ITPR2: variants seen among roughly 807,000 people sequenced by gnomAD.
ITPR2 encodes inositol 1,4,5-trisphosphate receptor type 2.
ITPR2 carries 207 observed loss-of-function variants against 317.1 expected under a neutral mutation model. The ratio of observed to expected loss-of-function variants is 0.65; its 90% confidence interval spans 0.58 to 0.73. The LOEUF is 0.73. ITPR2 is among the 30% of genes least tolerant of loss of function. ITPR2 has a pLI of 0.00. For missense variants in ITPR2, 2,613 were observed against 3,284.0 expected (o/e 0.80, Z 4.99); for synonymous variants, 1,156 against 1,149.1 (o/e 1.01, Z -0.12).
chr12:26,826,431 T>C (rs897741636), intron 1 of ITPR2, among the ~76,000 whole-genome samples: 37 of 152,256 alleles, frequency 2.4e-4, no homozygotes, highest in African/African-American at 8.9e-4. Context: ...TTCTAAGGAA[T>C]TAAGTCAGAA....
intron 45 of ITPR2, among the ~76,000 whole-genome samples, chr12:26,450,543 A>T (rs1591795965): frequency 6.6e-6 from 1 of 152,204 alleles, no homozygotes; most frequent in East Asian, 1.9e-4. Context: ...TGTGAGAAAG[A>T]AGAAAAGGCT....
intron 37 of ITPR2, among the ~76,000 whole-genome samples, chr12:26,513,760 ACACAC>A (rs1943418227): frequency 1.3e-5 from 2 of 151,716 alleles, no homozygotes; most frequent in Non-Finnish European, 2.9e-5. Flanking sequence ...ACACACACAC[ACACAC>A]ACACACACAC....
chr12:26,481,373 T>C (rs1329125432), intron 42 of ITPR2, 132 bp from the exon 43 acceptor site: 7 of 584,152 alleles, frequency 1.2e-5, no homozygotes, highest in Non-Finnish European at 2.1e-5. Flanking sequence ...CCTTTGAGCA[T>C]TTGACTTATT....
chr12:26,340,379 A>G (rs1938068987), intron 55 of ITPR2, 51 bp from the exon 56 acceptor site: 2 of 1,518,822 alleles, frequency 1.3e-6, no homozygotes, highest in Non-Finnish European at 1.8e-6. Context: ...GGAAGGGGAG[A>G]ATGTCTATAG....
At chr12:26,594,311 C>T (rs529046681) in intron 32 of ITPR2, among the ~76,000 whole-genome samples, 144 of 151,916 alleles carry the variant, frequency 9.5e-4, no homozygotes, top group African/African-American at 3.4e-3. Flanking sequence ...AAAAAGAGTC[C>T]GTGGTCTGGA....
intron 2 of ITPR2, among the ~76,000 whole-genome samples, chr12:26,743,720 C>T (rs920779494): frequency 6.6e-6 from 1 of 152,036 alleles, no homozygotes; most frequent in East Asian, 1.9e-4. Flanking sequence ...GGAGAAACCC[C>T]GTCTCTACTA....
chr12:26,373,430 TC>T (rs1318314546), intron 55 of ITPR2, among the ~76,000 whole-genome samples: 8 of 152,304 alleles, frequency 5.3e-5, no homozygotes, highest in South Asian at 4.1e-4. Flanking sequence ...AGTAATTACC[TC>T]TGAAAAGTTA....
At chr12:26,435,568 C>CA (rs1278715612) in intron 48 of ITPR2, among the ~76,000 whole-genome samples, 1 of 152,122 alleles carries the variant, frequency 6.6e-6, no homozygotes. Context: ...ACTTACTTCC[C>CA]AAAAATCTCA....
chr12:26,770,994 CTG>C (rs1366561401), intron 2 of ITPR2, among the ~76,000 whole-genome samples: 1 of 152,132 alleles, frequency 6.6e-6, no homozygotes, highest in African/African-American at 2.4e-5. Context: ...CATTTTCTGA[CTG>C]TGTCTTTATG....
intron 21 of ITPR2, among the ~76,000 whole-genome samples, chr12:26,635,470 G>A (rs1043884145): frequency 2.0e-4 from 31 of 152,156 alleles, no homozygotes; most frequent in African/African-American, 7.0e-4. Flanking sequence ...ATTTATAAGA[G>A]ATAACAGACA....
intron 13 of ITPR2, among the ~76,000 whole-genome samples, chr12:26,678,412 C>CAGAGAG (rs34253560): frequency 4.0e-5 from 6 of 149,420 alleles, no homozygotes; most frequent in Non-Finnish European, 5.9e-5. Flanking sequence ...AAAGGGAAGA[C>CAGAGAG]AGAGAGAGAG....
intron 45 of ITPR2, among the ~76,000 whole-genome samples, chr12:26,450,980 A>G (rs1046046757): frequency 5.3e-5 from 8 of 152,148 alleles, no homozygotes; most frequent in African/African-American, 1.7e-4. Flanking sequence ...TGTTTCTTGG[A>G]AAGTTAATTC....
At chr12:26,731,966 G>A (rs1270811294) in intron 2 of ITPR2, among the ~76,000 whole-genome samples, 1 of 151,152 alleles carries the variant, frequency 6.6e-6, no homozygotes, top group African/African-American at 2.4e-5. Context: ...TTTATTTTTA[G>A]AAGTTTTAAA....
At chr12:26,452,260 C>T (rs992966700) in intron 45 of ITPR2, among the ~76,000 whole-genome samples, 1 of 151,408 alleles carries the variant, frequency 6.6e-6, no homozygotes, top group Non-Finnish European at 1.5e-5. Flanking sequence ...TTTTTTTAAA[C>T]CAAAATTAAA....
chr12:26,405,448 A>G (rs1179162743), intron 52 of ITPR2, among the ~76,000 whole-genome samples: 2 of 152,196 alleles, frequency 1.3e-5, no homozygotes, highest in Admixed American at 1.3e-4. Context: ...TCAGTTGACT[A>G]GTAAAATACA....
intron 45 of ITPR2, among the ~76,000 whole-genome samples, chr12:26,470,961 C>T (rs1016082674): frequency 6.6e-6 from 1 of 152,020 alleles, no homozygotes. Flanking sequence ...AAATGAAGAA[C>T]AATTATGTAG....
At chr12:26,709,612 T>G (rs1948611072) in intron 9 of ITPR2, among the ~76,000 whole-genome samples, 1 of 152,330 alleles carries the variant, frequency 6.6e-6, no homozygotes, top group Admixed American at 6.5e-5. Context: ...CAAAGAAAAC[T>G]AGTAATATAC....
chr12:26,386,953 T>C (rs758623373), intron 55 of ITPR2, among the ~76,000 whole-genome samples: 1 of 152,060 alleles, frequency 6.6e-6, no homozygotes, highest in South Asian at 2.1e-4. Context: ...ATCCGAAGTA[T>C]GTGTTGATGG....
At chr12:26,453,813 C>T (rs1193482810) in intron 45 of ITPR2, among the ~76,000 whole-genome samples, 1 of 152,198 alleles carries the variant, frequency 6.6e-6, no homozygotes, top group Non-Finnish European at 1.5e-5. Flanking sequence ...ACTAGCAGAA[C>T]AGAAGAATCT....
Sources: allele counts gnomAD v4.1 joint callset (sites outside exome capture counted in the v4.1 genomes callset), GRCh38; gene constraint gnomAD v4.1.1; transcripts MANE v1.5; gene names NCBI Gene and HGNC (gene_info 2026-07-23, HGNC 2026-07-21).